JMJD1C: variants seen among roughly 807,000 people sequenced by gnomAD.
JMJD1C encodes the protein jumonji domain containing 1C, also known as jumonji domain-containing protein 1C.
In JMJD1C, 31 loss-of-function variants were observed where a neutral mutation model predicts 245.3. That is an observed-to-expected ratio of 0.13 (90% CI 0.09 to 0.17). The LOEUF (loss-of-function observed/expected upper bound fraction) is 0.17, where lower values mean the gene tolerates loss of function less well. Ranked by LOEUF, JMJD1C falls within the 10% of genes least tolerant of loss-of-function variation. The pLI, the probability that JMJD1C is intolerant of heterozygous loss-of-function variation, is 1.00. For synonymous variants in JMJD1C, 1,057 were observed against 1,017.4 expected (o/e 1.04, Z -0.74); for missense variants, 2,691 against 3,000.2 (o/e 0.90, Z 2.41).
At chr10:63,190,825 C>A in intron 17 of JMJD1C, 69 bp downstream of exon 17, 1 of 1,292,910 alleles carries the variant, frequency 7.7e-7, no homozygotes, top group Admixed American at 1.8e-5. Context: ...AGTTCAGAGC[C>A]AAAAACTAAG....
intron 2 of JMJD1C, among the ~76,000 whole-genome samples, chr10:63,321,535 G>A (rs1421578579): frequency 6.6e-6 from 1 of 152,204 alleles, no homozygotes; most frequent in African/African-American, 2.4e-5. Context: ...AACACATCTG[G>A]TGTCAGAAGT....
At chr10:63,334,742 GCTCTGT>G (rs1942519326) in intron 2 of JMJD1C, among the ~76,000 whole-genome samples, 1 of 149,830 alleles carries the variant, frequency 6.7e-6, no homozygotes, top group African/African-American at 2.4e-5. Flanking sequence ...ACTCAAACTC[GCTCTGT>G]CACCCAGGTT....
At chr10:63,338,649 T>TA (rs1340624368) in intron 2 of JMJD1C, among the ~76,000 whole-genome samples, 1 of 146,162 alleles carries the variant, frequency 6.8e-6, no homozygotes, top group Admixed American at 6.8e-5. Flanking sequence ...GATTTTTTTT[T>TA]TTTTTTTTTT....
intron 3 of JMJD1C, among the ~76,000 whole-genome samples, chr10:63,260,889 C>T (rs1156759413): frequency 1.3e-5 from 2 of 152,002 alleles, no homozygotes; most frequent in Admixed American, 6.6e-5. Context: ...CCGTGCCTGG[C>T]GTAACAAAAA....
At chr10:63,216,740 C>T (rs1848034083) in intron 5 of JMJD1C, among the ~76,000 whole-genome samples, 1 of 151,486 alleles carries the variant, frequency 6.6e-6, no homozygotes, top group Non-Finnish European at 1.5e-5. Flanking sequence ...CAAACAAAAA[C>T]TCCATAGGAA....
chr10:63,283,238 T>G (rs779054470), intron 2 of JMJD1C, among the ~76,000 whole-genome samples: 2 of 152,242 alleles, frequency 1.3e-5, no homozygotes, highest in Non-Finnish European at 2.9e-5. Context: ...AAGTTTCAGA[T>G]AGCCTATAAG....
chr10:63,224,413 T>C (rs1482297807), intron 3 of JMJD1C, among the ~76,000 whole-genome samples: 1 of 152,202 alleles, frequency 6.6e-6, no homozygotes, highest in Admixed American at 6.5e-5. Context: ...ACAAAAAGTA[T>C]CCCAATGCAC....
chr10:63,353,129 T>C (rs910287231), intron 2 of JMJD1C, among the ~76,000 whole-genome samples: 1 of 152,234 alleles, frequency 6.6e-6, no homozygotes, highest in Admixed American at 6.5e-5. Flanking sequence ...ATCAAGACCA[T>C]GGGTGTAGAC....
intron 2 of JMJD1C, among the ~76,000 whole-genome samples, chr10:63,376,236 G>A (rs894443021): frequency 1.3e-5 from 2 of 152,098 alleles, no homozygotes; most frequent in African/African-American, 2.4e-5. Flanking sequence ...ACATCTACAC[G>A]TAAAAAAAAG....
chr10:63,217,102 C>T (rs1366510739), intron 5 of JMJD1C, 105 bp downstream of exon 5: 3 of 1,041,492 alleles, frequency 2.9e-6, no homozygotes, highest in African/African-American at 3.2e-5. Context: ...GACTAAAAAC[C>T]CTAGAGATAA....
At chr10:63,260,961 A>G (rs1333843182) in intron 3 of JMJD1C, among the ~76,000 whole-genome samples, 2 of 152,104 alleles carry the variant, frequency 1.3e-5, no homozygotes, top group Non-Finnish European at 2.9e-5. Flanking sequence ...CCAGCTAGCT[A>G]AAAAACACAG....
At position 63,221,088 on chromosome 10, in the gene JMJD1C, C is replaced by T. The variant is rs1417684947; in HGVS notation, c.448-1105G>A. Among the ~76,000 whole-genome samples, 25 of 140,972 alleles carry T rather than the reference C, an allele frequency of 1.8e-4. No individual in the cohort carries two copies. The East Asian group carries it at 4.5e-3, about 25-fold the overall frequency. The allele number at this position is 140,972 out of a possible 152,430, so 92.5% of individuals were successfully genotyped here. A position where few individuals can be genotyped will look rare whatever the true frequency, so the allele number is the denominator to read the frequency against. ...TCACACCACTGCACTCCAGCCTGGG[C>T]GACAGTGAGACTCCGTCTTAAAAAA... On this transcript the variant is annotated intron_variant, in intron 3 of 25. Coordinates refer to ENST00000399262, the MANE Select transcript of JMJD1C (RefSeq NM_032776.3).
At chr10:63,172,180 T>C (rs577975486) in intron 24 of JMJD1C, among the ~76,000 whole-genome samples, 1 of 152,344 alleles carries the variant, frequency 6.6e-6, no homozygotes, top group South Asian at 2.1e-4. Flanking sequence ...AGGTCATATA[T>C]GCTGCCTTGG....
chr10:63,258,756 T>C (rs563860156), intron 3 of JMJD1C, among the ~76,000 whole-genome samples: 1 of 152,340 alleles, frequency 6.6e-6, no homozygotes, highest in East Asian at 1.9e-4. Context: ...AAGGAAGTCA[T>C]TTTTTATGTC....
chr10:63,461,247 A>C (rs913955508), intron 1 of JMJD1C, among the ~76,000 whole-genome samples: 2 of 152,164 alleles, frequency 1.3e-5, no homozygotes, highest in African/African-American at 4.8e-5. Context: ...TCTACCTACC[A>C]AAAAAACCAA....
At chr10:63,336,925 C>G (rs999966672) in intron 2 of JMJD1C, among the ~76,000 whole-genome samples, 9 of 152,070 alleles carry the variant, frequency 5.9e-5, no homozygotes, top group South Asian at 2.1e-4. Context: ...ACTGCAACCT[C>G]CGCCTTCTGT....
chr10:63,400,875 TTTG>T (rs959194497), intron 1 of JMJD1C, among the ~76,000 whole-genome samples: 75 of 151,218 alleles, frequency 5.0e-4, no homozygotes, highest in African/African-American at 1.7e-3. Flanking sequence ...TCCAGCCCTT[TTTG>T]TTGTTGTTGT....
intron 10 of JMJD1C, chr10:63,204,790 TCTGA>T (rs1266098725): frequency 1.0e-6 from 1 of 985,352 alleles, no homozygotes; most frequent in African/African-American, 1.7e-5. Context: ...TCTTTCACTT[TCTGA>T]CTGTCCTTTT....
intron 2 of JMJD1C, among the ~76,000 whole-genome samples, chr10:63,282,295 T>A (rs557020436): frequency 1.1e-4 from 16 of 152,352 alleles, no homozygotes; most frequent in African/African-American, 3.6e-4. Context: ...CGATGCAGTA[T>A]CTATTTTTGC....
Sources: gnomAD v4.1 joint callset for allele counts (sites outside exome capture counted in the v4.1 genomes callset) on GRCh38, gnomAD v4.1.1 for gene constraint, MANE v1.5 for transcripts, NCBI Gene and HGNC (gene_info 2026-07-23, HGNC 2026-07-21) for gene names.